The following ASTN1 variants were observed in gnomAD, a reference collection of about 807,000 sequenced individuals.
ASTN1 encodes the protein astrotactin-1.
A neutral mutation model predicts 140.7 loss-of-function variants in ASTN1; 41 were observed. The ratio of observed to expected loss-of-function variants is 0.29; its 90% CI spans 0.23 to 0.38. The LOEUF (loss-of-function observed/expected upper bound fraction) is 0.38, where lower values mean the gene tolerates loss of function less well. Ranked by LOEUF, ASTN1 falls within the 10% of genes least tolerant of loss-of-function variation. The pLI, the probability that ASTN1 is intolerant of heterozygous loss-of-function variation, is 1.00. For synonymous variants in ASTN1, 640 were observed against 652.2 expected (o/e 0.98, Z 0.29); for missense variants, 1,479 against 1,678.8 (o/e 0.88, Z 2.08).
At chr1:177,151,763 C>T (rs1027828005) in intron 1 of ASTN1, among the ~76,000 whole-genome samples, 1 of 152,102 alleles carries the variant, frequency 6.6e-6, no homozygotes, top group South Asian at 2.1e-4. Flanking sequence ...AGTTGTGGAC[C>T]CTCTTTTCAA....
At chr1:176,899,821 T>C (rs573129683) in intron 16 of ASTN1, among the ~76,000 whole-genome samples, 1 of 152,284 alleles carries the variant, frequency 6.6e-6, no homozygotes, top group East Asian at 1.9e-4. Flanking sequence ...ACTATGGACT[T>C]AAAATGAACT....
chr1:177,029,167 C>A (rs1201759359), intron 5 of ASTN1, among the ~76,000 whole-genome samples: 1 of 152,292 alleles, frequency 6.6e-6, no homozygotes, highest in Middle Eastern at 3.4e-3. Context: ...AGGTCAAAGA[C>A]AATTACACAG....
At chr1:177,146,232 C>A (rs557199207) in intron 1 of ASTN1, among the ~76,000 whole-genome samples, 1 of 152,256 alleles carries the variant, frequency 6.6e-6, no homozygotes, top group African/African-American at 2.4e-5. Context: ...TTAGCAAATA[C>A]ACTACACCAT....
chr1:177,002,891 A>G (rs1343406664), intron 8 of ASTN1, among the ~76,000 whole-genome samples: 2 of 152,116 alleles, frequency 1.3e-5, no homozygotes, highest in South Asian at 4.1e-4. Flanking sequence ...ATTCCCGAAG[A>G]CATACAACTC....
intron 9 of ASTN1, among the ~76,000 whole-genome samples, chr1:176,961,838 A>C (rs901762114): frequency 2.0e-5 from 3 of 152,108 alleles, no homozygotes; most frequent in African/African-American, 7.2e-5. Context: ...AGCATCTAGA[A>C]TGCTTTCCCA....
In ASTN1 at chr1:177,023,426, T is replaced by C. The variant is rs763540542; in HGVS notation, c.1416A>G (p.Glu472=). 1.9e-6 allele frequency: 3 copies of C among 1,599,908 alleles called. No individual in the cohort carries two copies. In the Admixed American group the frequency reaches 5.2e-5, roughly 28 times the overall value. The change falls in exon 7 of 23, where the codon GAA becomes GAG. Residue 472 remains glutamate, a synonymous_variant. Transcript: ENST00000361833. ...TACCAGTTTCGGGGTCACATTGGTG[T>C]TCACAGGGGTCCAGGAGCCGCCGGG... ...LCARRLLDPC[E]HQCDPETGEC...
At chr1:176,887,925 T>G (rs753364546) in intron 18 of ASTN1, 146 bp downstream of exon 18, 69 of 1,174,222 alleles carry the variant, frequency 5.9e-5, no homozygotes, top group Non-Finnish European at 7.4e-5. Flanking sequence ...CTGTGCTGCC[T>G]CCCTTGGTAG....
intron 14 of ASTN1, among the ~76,000 whole-genome samples, chr1:176,942,209 T>C (rs1036920575): frequency 6.6e-6 from 1 of 152,160 alleles, no homozygotes; most frequent in African/African-American, 2.4e-5. Flanking sequence ...ACTTTACAAA[T>C]ATGAATTTAT....
In ASTN1 at chr1:176,882,852, TACTC is replaced by T; in HGVS notation, c.3362+3_3362+6del. ...AAGAAGTCACTAGGTAGGTGTGTGT[TACTC>T]ACATGTAAATGGTGTCAGGTTCCAG... On this transcript the variant is annotated splice_donor_5th_base_variant and intron_variant, in intron 20 of 22. Coordinates refer to ENST00000361833, the MANE Select transcript of ASTN1 (RefSeq NM_004319.3). 1 of 1,614,144 alleles carries T rather than the reference TACTC, an allele frequency of 6.2e-7. No individual in the cohort carries two copies. The highest frequency in any genetic ancestry group is 8.5e-7 in the Non-Finnish European group (1 of 1,180,018).
chr1:177,034,742 T>C (rs1252390719), intron 2 of ASTN1, among the ~76,000 whole-genome samples: 1 of 152,136 alleles, frequency 6.6e-6, no homozygotes, highest in Non-Finnish European at 1.5e-5. Context: ...ATCTTTTCCT[T>C]CACCCCAAAT....
intron 8 of ASTN1, chr1:176,981,582 G>A (rs1045489663): frequency 6.6e-6 from 1 of 152,470 alleles, no homozygotes; most frequent in Non-Finnish European, 1.5e-5. Flanking sequence ...AGAGACTGAA[G>A]TGATGCATCT....
At chr1:177,085,761 G>A (rs1345133010) in intron 1 of ASTN1, among the ~76,000 whole-genome samples, 2 of 152,152 alleles carry the variant, frequency 1.3e-5, no homozygotes, top group Non-Finnish European at 2.9e-5. Flanking sequence ...GTACATGTGT[G>A]GTTCCCTGGT....
chr1:177,123,863 C>A (rs572220794), intron 1 of ASTN1, among the ~76,000 whole-genome samples: 3 of 152,222 alleles, frequency 2.0e-5, no homozygotes, highest in African/African-American at 7.2e-5. Flanking sequence ...GGCAGGAAGC[C>A]GAATTCAGTG....
intron 1 of ASTN1, among the ~76,000 whole-genome samples, chr1:177,145,930 C>T (rs2102233620): frequency 6.6e-6 from 1 of 152,152 alleles, no homozygotes; most frequent in East Asian, 1.9e-4. Context: ...ATCCTTTACA[C>T]TCCTAAAAAT....
chr1:176,907,008 T>C (rs938872323), intron 16 of ASTN1, among the ~76,000 whole-genome samples: 1 of 152,196 alleles, frequency 6.6e-6, no homozygotes, highest in Non-Finnish European at 1.5e-5. Flanking sequence ...CAAGTATTCA[T>C]GTAGAAGCAT....
intron 13 of ASTN1, among the ~76,000 whole-genome samples, chr1:176,944,846 C>T (rs1279851024): frequency 1.3e-5 from 2 of 152,204 alleles, no homozygotes; most frequent in Non-Finnish European, 2.9e-5. Context: ...AGTGATGACA[C>T]CTCACTTCTT....
intron 1 of ASTN1, among the ~76,000 whole-genome samples, chr1:177,066,222 C>T (rs900018347): frequency 2.6e-5 from 4 of 152,294 alleles, no homozygotes; most frequent in Admixed American, 2.6e-4. Flanking sequence ...TCAGAGCCTT[C>T]CAGAGCCAGG....
In ASTN1 at chr1:176,863,817, C is replaced by A. The variant is rs74127249; in HGVS notation, c.*467G>T. ...CAGGGCCAAGGCTCCCAGAGTGAGACGCTTCCTGAGGAATGCTTGAGGGTG... is the reference window on the plus strand; with the variant it reads ...CAGGGCCAAGGCTCCCAGAGTGAGAAGCTTCCTGAGGAATGCTTGAGGGTG... On this transcript the variant is annotated 3_prime_UTR_variant, in exon 23 of 23. Coordinates refer to ENST00000361833, the MANE Select transcript of ASTN1 (RefSeq NM_004319.3). 5 of 992,858 alleles carry A rather than the reference C, an allele frequency of 5.0e-6. No individual in the cohort carries two copies. Among genetic ancestry groups the A allele is most frequent in the East Asian group, 1.1e-4 (1 of 9,144 alleles). 61.5% of individuals were successfully genotyped at this position (992,858 alleles called of 1,614,324 possible).
intron 1 of ASTN1, among the ~76,000 whole-genome samples, chr1:177,066,019 T>C (rs1171269073): frequency 6.6e-6 from 1 of 152,222 alleles, no homozygotes; most frequent in Non-Finnish European, 1.5e-5. Flanking sequence ...GGAGGATCTG[T>C]GTCGATGAAC....
Sources: allele counts gnomAD v4.1 joint callset (sites outside exome capture counted in the v4.1 genomes callset), GRCh38; gene constraint gnomAD v4.1.1; transcripts MANE v1.5; gene names NCBI Gene and HGNC (gene_info 2026-07-23, HGNC 2026-07-21).